The following CDH13 variants were observed in gnomAD, a reference collection of about 807,000 sequenced individuals.
The protein encoded by CDH13 is cadherin 13.
A neutral mutation model predicts 63.8 loss-of-function variants in CDH13; 24 were observed. The observed-to-expected ratio is 0.38, with a 90% CI of 0.27 to 0.53. CDH13 has a LOEUF of 0.53. CDH13 is among the 20% of genes least tolerant of loss of function. CDH13 has a pLI of 0.85. For missense variants in CDH13, 1,049 were observed against 903.1 expected (o/e 1.16, Z -2.07); for synonymous variants, 503 against 355.3 (o/e 1.42, Z -4.67).
chr16:82,878,049 T>C (rs2040567439), intron 2 of CDH13, among the ~76,000 whole-genome samples: 1 of 151,790 alleles, frequency 6.6e-6, no homozygotes, highest in African/African-American at 2.4e-5. Flanking sequence ...TGTTTGAAAA[T>C]ACATATGTGC....
At chr16:83,707,563 A>G (rs1331052484) in intron 10 of CDH13, among the ~76,000 whole-genome samples, 3 of 152,174 alleles carry the variant, frequency 2.0e-5, no homozygotes, top group Non-Finnish European at 2.9e-5. Context: ...TAAAACAAAT[A>G]TTATTGAAAT....
intron 4 of CDH13, among the ~76,000 whole-genome samples, chr16:83,141,520 CTTT>C (rs963493011): frequency 6.6e-6 from 1 of 152,102 alleles, no homozygotes; most frequent in Admixed American, 6.5e-5. Context: ...TTTGTTTTTA[CTTT>C]AAGTTCTGGG....
intron 5 of CDH13, among the ~76,000 whole-genome samples, chr16:83,291,852 A>C (rs551895167): frequency 1.3e-5 from 2 of 152,258 alleles, no homozygotes; most frequent in South Asian, 4.2e-4. Flanking sequence ...ACATATTGAA[A>C]AAGTGTGTTC....
At chr16:83,209,397 C>A (rs1362679945) in intron 4 of CDH13, among the ~76,000 whole-genome samples, 1 of 152,136 alleles carries the variant, frequency 6.6e-6, no homozygotes, top group Non-Finnish European at 1.5e-5. Context: ...GCATCCTCCA[C>A]ACAGAGTCAT....
At chr16:82,699,691 C>T (rs1446452912) in intron 1 of CDH13, among the ~76,000 whole-genome samples, 2 of 152,210 alleles carry the variant, frequency 1.3e-5, no homozygotes, top group Admixed American at 6.5e-5. Flanking sequence ...TACACTTAAT[C>T]CACAAACATA....
intron 8 of CDH13, among the ~76,000 whole-genome samples, chr16:83,644,591 C>T (rs1250739089): frequency 6.6e-6 from 1 of 152,198 alleles, no homozygotes; most frequent in African/African-American, 2.4e-5. Flanking sequence ...TTTGTCATCC[C>T]TCAGTTACGC....
At chr16:83,568,327 C>T (rs1274058741) in intron 7 of CDH13, among the ~76,000 whole-genome samples, 4 of 152,146 alleles carry the variant, frequency 2.6e-5, no homozygotes, top group Admixed American at 2.0e-4. Context: ...CTAGAAAATT[C>T]CCTTATCTCC....
chr16:82,824,034 CA>C (rs1350946229), intron 1 of CDH13: 1 of 151,968 alleles, frequency 6.6e-6, no homozygotes, highest in Admixed American at 6.6e-5. Context: ...ATATTTGAGG[CA>C]GGAAATAAAC....
Position 83,445,650 on chromosome 16 carries a change from T to C in CDH13, c.782-40827T>C, listed in dbSNP as rs1200198634. ...CGATAAAGACCATCATGTTTTTTCTTTCTCCACCTTTTTTGCTTTTAGAAT... is the reference window on the plus strand; with the variant it reads ...CGATAAAGACCATCATGTTTTTTCTCTCTCCACCTTTTTTGCTTTTAGAAT... On this transcript the variant is annotated intron_variant, in intron 6 of 13. Transcript: ENST00000567109. Among the ~76,000 whole-genome samples the C allele has an allele frequency of 2.6e-5, 4 of 152,360 alleles. No homozygotes were observed. In the East Asian group the frequency reaches 7.7e-4, roughly 29 times the overall value.
At chr16:83,449,344 A>T (rs113902303) in intron 6 of CDH13, among the ~76,000 whole-genome samples, 157 of 152,294 alleles carry the variant, frequency 1.0e-3, no homozygotes, top group African/African-American at 3.7e-3. Flanking sequence ...AAAACAACTG[A>T]TAAACAGGGC....
chr16:83,136,032 A>G (rs2036266407), intron 4 of CDH13, among the ~76,000 whole-genome samples: 1 of 152,092 alleles, frequency 6.6e-6, no homozygotes. Context: ...AAAGGATGGG[A>G]GAGGGGAGAG....
At chr16:83,633,016 G>A (rs1242784051) in intron 8 of CDH13, among the ~76,000 whole-genome samples, 1 of 152,048 alleles carries the variant, frequency 6.6e-6, no homozygotes, top group Admixed American at 6.5e-5. Flanking sequence ...ACATGCTAAT[G>A]TATTATAATT....
chr16:82,828,485 C>A (rs571663102), intron 1 of CDH13, among the ~76,000 whole-genome samples: 1 of 152,002 alleles, frequency 6.6e-6, no homozygotes, highest in Non-Finnish European at 1.5e-5. Flanking sequence ...GGAGTGTTGG[C>A]GGGCACCTGT....
chr16:83,207,201 T>A (rs2039208463), intron 4 of CDH13, among the ~76,000 whole-genome samples: 1 of 152,216 alleles, frequency 6.6e-6, no homozygotes. Context: ...AACGTTTTCA[T>A]CTTCCTCACC....
At chr16:83,765,540 A>G (rs928717561) in intron 11 of CDH13, among the ~76,000 whole-genome samples, 4 of 5,828 alleles carry the variant, frequency 6.9e-4, no homozygotes, top group Non-Finnish European at 1.4e-3. Context: ...ACATTTTTCT[A>G]TATATATATA....
intron 2 of CDH13, chr16:82,884,087 T>C (rs1295228040): frequency 9.2e-6 from 4 of 435,306 alleles, no homozygotes; most frequent in Non-Finnish European, 1.8e-5. Flanking sequence ...GCCATGTAGA[T>C]GTTCATTAGG....
At chr16:83,159,769 G>C (rs902043833) in intron 4 of CDH13, among the ~76,000 whole-genome samples, 2 of 152,098 alleles carry the variant, frequency 1.3e-5, no homozygotes, top group African/African-American at 4.8e-5. Flanking sequence ...GAGCTGGATC[G>C]GTTTTTAAAT....
At chr16:83,659,147 G>A (rs918140083) in intron 8 of CDH13, among the ~76,000 whole-genome samples, 23 of 146,304 alleles carry the variant, frequency 1.6e-4, no homozygotes, top group Non-Finnish European at 1.8e-4. Context: ...CACCAGCAAG[G>A]TCCCATGTCC....
At chr16:83,243,740 A>T (rs1175157621) in intron 5 of CDH13, among the ~76,000 whole-genome samples, 1 of 152,186 alleles carries the variant, frequency 6.6e-6, no homozygotes, top group African/African-American at 2.4e-5. Flanking sequence ...ACAAACATAA[A>T]CCAGTCTTGT....
Sources: allele counts gnomAD v4.1 joint callset (sites outside exome capture counted in the v4.1 genomes callset), GRCh38; gene constraint gnomAD v4.1.1; transcripts MANE v1.5; gene names NCBI Gene and HGNC (gene_info 2026-07-23, HGNC 2026-07-21).